CPQ: variants seen among roughly 807,000 people sequenced by gnomAD.
CPQ encodes Ser-Met dipeptidase.
Under a neutral mutation model 45.7 loss-of-function variants are expected in CPQ, and 37 were observed. That is an observed-to-expected ratio of 0.81 (90% CI 0.62 to 1.07). CPQ has a LOEUF of 1.07. Ranked by LOEUF, CPQ falls within the 50% of genes least tolerant of loss-of-function variation. The probability of loss-of-function intolerance (pLI) is 0.00; values close to 1 mark genes in which losing one functional copy is unlikely to be tolerated. For missense variants in CPQ, 537 were observed against 572.9 expected (o/e 0.94, Z 0.64); for synonymous variants, 186 against 205.8 (o/e 0.90, Z 0.82).
rs530591333 is a variant in CPQ, at chr8:96,671,551, C to T, written c.-35+26149C>T. 2.3e-4 allele frequency among the ~76,000 whole-genome samples: 35 copies of T among 152,222 alleles called. 1 individual carries two copies. The South Asian group carries it at 7.2e-3, about 32-fold the overall frequency. ...TGAATTATGCAAAACAAAAGAAAAA[C>T]AAATGGCCTACCTAAGGTTTGGCAG... On this transcript the variant is annotated intron_variant, in intron 1 of 7. Coordinates refer to ENST00000220763, the MANE Select transcript of CPQ (RefSeq NM_016134.4).
chr8:97,035,771 G>A (rs1947998085), intron 6 of CPQ, among the ~76,000 whole-genome samples: 1 of 152,022 alleles, frequency 6.6e-6, no homozygotes, highest in African/African-American at 2.4e-5. Context: ...GCAGTGGCGC[G>A]ATCTCGGCTC....
intron 4 of CPQ, among the ~76,000 whole-genome samples, chr8:96,951,706 C>T (rs1215293858): frequency 2.6e-5 from 4 of 152,030 alleles, no homozygotes; most frequent in African/African-American, 9.7e-5. Context: ...ATATTTTCAC[C>T]TTTCTAAATA....
rs976610359 is a variant in CPQ, at chr8:96,730,878, T to C, written c.-34-53986T>C. On this transcript the variant is annotated intron_variant, in intron 1 of 7. Transcript: ENST00000220763. ...TTAACCATACATACATATATATATA[T>C]ATATATATATATATGCATTTTTTTT... 3.1e-4 allele frequency among the ~76,000 whole-genome samples: 38 copies of C among 121,534 alleles called. 2 individuals carry two copies. The highest frequency in any genetic ancestry group is 4.3e-3 in the Middle Eastern group (1 of 234). 79.7% of individuals were successfully genotyped at this position (121,534 alleles called of 152,430 possible).
intron 5 of CPQ, among the ~76,000 whole-genome samples, chr8:96,980,202 G>A (rs1386848101): frequency 1.3e-5 from 2 of 152,076 alleles, no homozygotes; most frequent in African/African-American, 4.8e-5. Context: ...GCACAATCTT[G>A]GCTCACTGCA....
chr8:96,710,475 A>G (rs1809592187), intron 1 of CPQ, among the ~76,000 whole-genome samples: 1 of 152,166 alleles, frequency 6.6e-6, no homozygotes, highest in Non-Finnish European at 1.5e-5. Context: ...TATTTGATGC[A>G]AGCATTTAGA....
At chr8:96,771,836 A>G (rs1372670501) in intron 1 of CPQ, among the ~76,000 whole-genome samples, 4 of 152,216 alleles carry the variant, frequency 2.6e-5, no homozygotes, top group East Asian at 1.9e-4. Context: ...ATCACCTCCT[A>G]TATTGCCTGC....
chr8:96,870,861 C>T (rs1043999064), intron 3 of CPQ, among the ~76,000 whole-genome samples: 1 of 151,814 alleles, frequency 6.6e-6, no homozygotes, highest in Non-Finnish European at 1.5e-5. Context: ...AAATCTGTGG[C>T]GTTGAGGGAT....
chr8:96,949,354 G>C (rs570299346), intron 4 of CPQ, among the ~76,000 whole-genome samples: 1 of 150,868 alleles, frequency 6.6e-6, no homozygotes, highest in East Asian at 2.0e-4. Flanking sequence ...GACTCATTTT[G>C]AGTGGGATGT....
At chr8:97,078,758 T>G (rs1275476124) in intron 7 of CPQ, among the ~76,000 whole-genome samples, 1 of 146,070 alleles carries the variant, frequency 6.8e-6, no homozygotes, top group African/African-American at 2.6e-5. Flanking sequence ...TGATATCATT[T>G]CCATTTCTCT....
intron 4 of CPQ, among the ~76,000 whole-genome samples, chr8:96,911,901 T>C (rs2130904925): frequency 6.6e-6 from 1 of 152,292 alleles, no homozygotes; most frequent in East Asian, 1.9e-4. Context: ...GCACAGGCTG[T>C]AGTATCGGCC....
At chr8:97,119,074 A>G (rs895569944) in intron 7 of CPQ, among the ~76,000 whole-genome samples, 1 of 152,056 alleles carries the variant, frequency 6.6e-6, no homozygotes, top group African/African-American at 2.4e-5. Context: ...CACACTTGTA[A>G]TCCTAGCACT....
At chr8:96,855,743 A>G (rs1373349873) in intron 3 of CPQ, among the ~76,000 whole-genome samples, 2 of 152,234 alleles carry the variant, frequency 1.3e-5, no homozygotes, top group Non-Finnish European at 2.9e-5. Flanking sequence ...GTAAGCAAAT[A>G]AAGAAGGTAA....
At chr8:96,975,197 T>C (rs1813753795) in intron 5 of CPQ, among the ~76,000 whole-genome samples, 1 of 151,822 alleles carries the variant, frequency 6.6e-6, no homozygotes, top group African/African-American at 2.4e-5. Context: ...TACAAAAGAT[T>C]ATTCAAGGAT....
intron 1 of CPQ, among the ~76,000 whole-genome samples, chr8:96,657,039 A>G (rs565642695): frequency 6.9e-6 from 1 of 144,762 alleles, no homozygotes; most frequent in Admixed American, 6.9e-5. Context: ...TTTTTACTGT[A>G]TGGGCCCAGT....
chr8:96,668,442 A>C (rs111446281), intron 1 of CPQ, among the ~76,000 whole-genome samples: 3,693 of 152,298 alleles, frequency 0.024, 164 homozygotes, highest in African/African-American at 0.084. Context: ...GCTTGTGGAC[A>C]TTTGAAGAAG....
chr8:96,798,788 T>A, intron 2 of CPQ, among the ~76,000 whole-genome samples: 1 of 152,180 alleles, frequency 6.6e-6, no homozygotes, highest in Non-Finnish European at 1.5e-5. Flanking sequence ...TAGCACTGTC[T>A]GTTTTATACA....
chr8:96,821,198 T>G (rs181436771), intron 2 of CPQ, among the ~76,000 whole-genome samples: 1 of 150,374 alleles, frequency 6.7e-6, no homozygotes, highest in Non-Finnish European at 1.5e-5. Context: ...TATTAATCCC[T>G]TGTCAGATGG....
chr8:96,896,038 A>G (rs927763712), intron 4 of CPQ, among the ~76,000 whole-genome samples: 2 of 152,080 alleles, frequency 1.3e-5, no homozygotes, highest in African/African-American at 2.4e-5. Flanking sequence ...GTGTATTTTC[A>G]TAATAAGACT....
rs989243021 is a variant in CPQ, at chr8:97,008,918, G to T, written c.962-20485G>T. On this transcript the variant is annotated intron_variant, in intron 5 of 7. Coordinates refer to ENST00000220763, the MANE Select transcript of CPQ (RefSeq NM_016134.4). ...CTTTAGTTAATGTTCTCCTGTCCAT[G>T]TCAAGGTCAGCATGACACCATGGTA... 2.0e-5 allele frequency among the ~76,000 whole-genome samples: 3 copies of T among 152,204 alleles called. No homozygotes were observed. In the East Asian group the frequency reaches 5.8e-4, roughly 29 times the overall value.
Sources: allele counts gnomAD v4.1 joint callset (sites outside exome capture counted in the v4.1 genomes callset), GRCh38; gene constraint gnomAD v4.1.1; transcripts MANE v1.5; gene names NCBI Gene and HGNC (gene_info 2026-07-23, HGNC 2026-07-21).